The following HSD17B3 variants were observed in gnomAD, a reference collection of about 807,000 sequenced individuals.
HSD17B3 encodes the protein 17-beta-hydroxysteroid dehydrogenase type 3.
In HSD17B3, 29 loss-of-function variants were observed where a neutral mutation model predicts 41.1. The ratio of observed to expected loss-of-function variants is 0.71; its 90% CI spans 0.53 to 0.96. The LOEUF (loss-of-function observed/expected upper bound fraction) is 0.96, where lower values mean the gene tolerates loss of function less well. Among genes scored for constraint, HSD17B3 ranks in the 40% least tolerant of loss-of-function variants. The probability of loss-of-function intolerance (pLI) is 0.00; values close to 1 mark genes in which losing one functional copy is unlikely to be tolerated. For missense variants in HSD17B3, 323 were observed against 374.6 expected (o/e 0.86, Z 1.14); for synonymous variants, 126 against 145.6 (o/e 0.87, Z 0.97).
At chr9:96,275,791 C>CA (rs1415067218) in intron 2 of HSD17B3, among the ~76,000 whole-genome samples, 1 of 151,482 alleles carries the variant, frequency 6.6e-6, no homozygotes, top group Non-Finnish European at 1.5e-5. Context: ...CAAATCAATG[C>CA]AAAAAATCAT....
At chr9:96,266,450 G>T (rs971926560) in intron 2 of HSD17B3, among the ~76,000 whole-genome samples, 1 of 151,138 alleles carries the variant, frequency 6.6e-6, no homozygotes, top group Non-Finnish European at 1.5e-5. Flanking sequence ...TTTTTTTTTT[G>T]GTAGAGTTGG....
intron 2 of HSD17B3, among the ~76,000 whole-genome samples, chr9:96,271,653 T>A (rs542785699): frequency 6.6e-6 from 1 of 152,236 alleles, no homozygotes; most frequent in African/African-American, 2.4e-5. Flanking sequence ...ACCCACACGA[T>A]AGATGGAACT....
In HSD17B3 at chr9:96,300,209, GACACACACACACAC is replaced by G. The variant is rs55707445; in HGVS notation, c.154+1728_154+1741del. On this transcript the variant is annotated intron_variant, in intron 1 of 10. Transcript: ENST00000375263. ...TCCTGACAGCATAATACCCCAAGAG[GACACACACACACAC>G]ACACACACACACACACACACACACA... is the stretch of plus-strand genomic sequence containing the variant. Among the ~76,000 whole-genome samples, 515 of 116,374 alleles carry G rather than the reference GACACACACACACAC, an allele frequency of 4.4e-3. 2 individuals are homozygous for G. Among genetic ancestry groups the G allele is most frequent in the Non-Finnish European group, 5.9e-3 (330 of 55,974 alleles). 76.3% of individuals were successfully genotyped at this position (116,374 alleles called of 152,430 possible).
At chr9:96,253,711 T>C (rs1028324478) in intron 3 of HSD17B3, among the ~76,000 whole-genome samples, 1 of 151,954 alleles carries the variant, frequency 6.6e-6, no homozygotes, top group African/African-American at 2.4e-5. Context: ...TGCTTTGGAG[T>C]GGGCCAAGCA....
chr9:96,262,515 A>G (rs1046417529), intron 2 of HSD17B3, among the ~76,000 whole-genome samples: 2 of 152,092 alleles, frequency 1.3e-5, no homozygotes, highest in East Asian at 1.9e-4. Context: ...AAGTGTTGGG[A>G]TTACAGGTGT....
intron 3 of HSD17B3, among the ~76,000 whole-genome samples, chr9:96,253,267 G>A (rs1825500584): frequency 1.3e-5 from 2 of 152,086 alleles, no homozygotes; most frequent in African/African-American, 2.4e-5. Flanking sequence ...GAAACTCTGT[G>A]GGTGGAGCCC....
intron 2 of HSD17B3, among the ~76,000 whole-genome samples, chr9:96,277,753 T>C (rs1414475205): frequency 1.3e-5 from 2 of 152,060 alleles, no homozygotes; most frequent in Admixed American, 1.3e-4. Flanking sequence ...TTGCACTCCC[T>C]TGTTCATTAC....
At chr9:96,265,829 G>A (rs1322365547) in intron 2 of HSD17B3, among the ~76,000 whole-genome samples, 1 of 152,202 alleles carries the variant, frequency 6.6e-6, no homozygotes, top group Non-Finnish European at 1.5e-5. Flanking sequence ...ATCAGAGTGG[G>A]AGATTTCATT....
chr9:96,253,022 C>T (rs1825489459), intron 3 of HSD17B3, 112 bp from the exon 4 acceptor site: 1 of 760,838 alleles, frequency 1.3e-6, no homozygotes, highest in Non-Finnish European at 2.4e-6. Context: ...AGAGGACAGC[C>T]CATTGCCCCA....
chr9:96,281,481 TGGGTTAGAGTCCTAACTTAGGA>T (rs1258450263), intron 2 of HSD17B3, among the ~76,000 whole-genome samples: 2 of 152,236 alleles, frequency 1.3e-5, no homozygotes, highest in South Asian at 2.1e-4. Context: ...TGACTAGCCT[TGGGTTAGAGTCCTAACTTAGGA>T]GGGTTAGAGT....
chr9:96,273,083 A>G (rs1826325665), intron 2 of HSD17B3, among the ~76,000 whole-genome samples: 1 of 152,202 alleles, frequency 6.6e-6, no homozygotes, highest in African/African-American at 2.4e-5. Flanking sequence ...GTGGCTATAA[A>G]ATGGCAGCCC....
At position 96,244,359 on chromosome 9, in the gene HSD17B3, C is replaced by A. The variant is rs1256064625; in HGVS notation, c.642G>T (p.Glu214Asp). 1 of 1,614,074 alleles carries A rather than the reference C, an allele frequency of 6.2e-7. No homozygotes were observed. The highest frequency in any genetic ancestry group is 8.5e-7 in the Non-Finnish European group (1 of 1,180,038). Reference protein sequence around the residue: ...FVCAFSKALQEEYKAKEVIIQ... With the variant: ...FVCAFSKALQDEYKAKEVIIQ... ...TGATGACTTCTTTTGCTTTATATTC[C>A]TCTTGCAGGGCCTTGGAAAATGCGC... is the stretch of plus-strand genomic sequence containing the variant. The change falls in exon 9 of 11, where the codon GAG becomes GAT. Residue 214 changes from glutamate to aspartate, a missense_variant. By Grantham distance (45) the Glu-to-Asp change is conservative. Coordinates refer to ENST00000375263, the MANE Select transcript of HSD17B3 (RefSeq NM_000197.2).
At chr9:96,249,726 T>C in intron 6 of HSD17B3, 25 bp downstream of exon 6, 1 of 1,611,476 alleles carries the variant, frequency 6.2e-7, no homozygotes, top group Non-Finnish European at 8.5e-7. Context: ...TGTTAATGCA[T>C]TTCGCACATA....
intron 2 of HSD17B3, among the ~76,000 whole-genome samples, chr9:96,260,245 T>G (rs1825811710): frequency 6.6e-6 from 1 of 152,232 alleles, no homozygotes; most frequent in South Asian, 2.1e-4. Flanking sequence ...TGTCCCATTT[T>G]GGTATCCAAG....
intron 2 of HSD17B3, among the ~76,000 whole-genome samples, chr9:96,279,322 T>C (rs964268478): frequency 2.6e-5 from 4 of 152,178 alleles, no homozygotes; most frequent in African/African-American, 9.6e-5. Flanking sequence ...ACGTTGCTTC[T>C]GTCCAGAAAG....
intron 6 of HSD17B3, among the ~76,000 whole-genome samples, chr9:96,249,235 G>C (rs182486329): frequency 1.3e-5 from 2 of 152,266 alleles, no homozygotes; most frequent in East Asian, 3.9e-4. Flanking sequence ...GATGCAGAAC[G>C]TTAAGTTCAA....
At chr9:96,280,831 G>C (rs1826662622) in intron 2 of HSD17B3, among the ~76,000 whole-genome samples, 1 of 152,072 alleles carries the variant, frequency 6.6e-6, no homozygotes, top group South Asian at 2.1e-4. Context: ...AACCAATATG[G>C]CGAGGAGAGT....
chr9:96,300,236 A>ACC, intron 1 of HSD17B3, among the ~76,000 whole-genome samples: 1 of 151,604 alleles, frequency 6.6e-6, no homozygotes, highest in Non-Finnish European at 1.5e-5. Context: ...ACACACACAC[A>ACC]CACACACACA....
Position 96,240,929 on chromosome 9 carries a change from A to G in HSD17B3, c.673-22T>C, listed in dbSNP as rs1212116043. On this transcript the variant is annotated intron_variant, in intron 9 of 10. Coordinates refer to ENST00000375263, the MANE Select transcript of HSD17B3 (RefSeq NM_000197.2). The stretch of plus-strand genomic sequence containing the variant: ...GCACCTACAACGGGAAACAAAGACC[A>G]TGGCACAGAAGCAATCCACCCCAGG... The G allele has an allele frequency of 1.9e-6, 3 of 1,614,048 alleles. No individual in the cohort carries two copies. The Admixed American group carries it at 5.0e-5, about 27-fold the overall frequency.
Sources: gnomAD v4.1 joint callset for allele counts (sites outside exome capture counted in the v4.1 genomes callset) on GRCh38, gnomAD v4.1.1 for gene constraint, MANE v1.5 for transcripts, NCBI Gene and HGNC (gene_info 2026-07-23, HGNC 2026-07-21) for gene names.